The following TECRL variants were observed in gnomAD, a reference collection of about 807,000 sequenced individuals.
TECRL encodes the protein trans-2,3-enoyl-CoA reductase-like.
A neutral mutation model predicts 52.8 loss-of-function variants in TECRL; 63 were observed. The ratio of observed to expected loss-of-function variants is 1.19; its 90% CI spans 0.97 to 1.47. The LOEUF is 1.47. Ranked by LOEUF, TECRL falls within the 40% of genes most tolerant of loss-of-function variation. The pLI is 0.00. For missense variants in TECRL, 482 were observed against 429.6 expected (o/e 1.12, Z -1.08); for synonymous variants, 164 against 141.9 (o/e 1.16, Z -1.10).
At chr4:64,393,846 T>C (rs1723726864) in intron 1 of TECRL, among the ~76,000 whole-genome samples, 1 of 151,994 alleles carries the variant, frequency 6.6e-6, no homozygotes, top group Non-Finnish European at 1.5e-5. Flanking sequence ...GAGTCTTACA[T>C]AAGAATCCAT....
chr4:64,322,172 C>G (rs1299674424), intron 4 of TECRL, among the ~76,000 whole-genome samples: 1 of 152,094 alleles, frequency 6.6e-6, no homozygotes, highest in Admixed American at 6.5e-5. Context: ...CATCAGATCA[C>G]CCCACCAGAT....
At chr4:64,317,660 G>GT (rs1717601825) in intron 4 of TECRL, among the ~76,000 whole-genome samples, 3 of 151,974 alleles carry the variant, frequency 2.0e-5, no homozygotes, top group African/African-American at 7.3e-5. Context: ...TAAAGATTGT[G>GT]GTTTTTTTGT....
chr4:64,351,465 G>T (rs1720383588), intron 2 of TECRL, among the ~76,000 whole-genome samples: 1 of 151,908 alleles, frequency 6.6e-6, no homozygotes, highest in Non-Finnish European at 1.5e-5. Flanking sequence ...AGAAGGATGA[G>T]GTCTCACTAT....
chr4:64,320,676 C>A (rs74471287), intron 4 of TECRL, among the ~76,000 whole-genome samples: 4,332 of 152,108 alleles, frequency 0.028, 66 homozygotes, highest in Non-Finnish European at 0.038. Context: ...ATGCTGCTCA[C>A]CCTGACACAA....
chr4:64,353,239 A>T (rs150773480), intron 2 of TECRL, among the ~76,000 whole-genome samples: 1 of 152,326 alleles, frequency 6.6e-6, no homozygotes, highest in African/African-American at 2.4e-5. Flanking sequence ...TTAAAGTAAA[A>T]ATCGAAAAAT....
intron 2 of TECRL, among the ~76,000 whole-genome samples, chr4:64,349,898 C>T (rs1434501297): frequency 6.6e-6 from 1 of 152,076 alleles, no homozygotes; most frequent in African/African-American, 2.4e-5. Flanking sequence ...GACTACTTAC[C>T]AACTTAAGCA....
intron 1 of TECRL, among the ~76,000 whole-genome samples, chr4:64,402,608 A>T (rs1724429591): frequency 6.6e-6 from 1 of 152,104 alleles, no homozygotes; most frequent in African/African-American, 2.4e-5. Context: ...GTGACGGAAC[A>T]CACTTCAAGC....
chr4:64,379,971 C>T (rs983266522), intron 1 of TECRL, among the ~76,000 whole-genome samples: 1 of 151,970 alleles, frequency 6.6e-6, no homozygotes, highest in Non-Finnish European at 1.5e-5. Context: ...CTGAGACACT[C>T]TCTATTGTTT....
chr4:64,365,601 A>C (rs550600971), intron 2 of TECRL, among the ~76,000 whole-genome samples: 1 of 152,264 alleles, frequency 6.6e-6, no homozygotes, highest in African/African-American at 2.4e-5. Context: ...TAAAGCTGAG[A>C]GCCAAAACAA....
At chr4:64,402,132 C>A (rs904892178) in intron 1 of TECRL, among the ~76,000 whole-genome samples, 3 of 151,968 alleles carry the variant, frequency 2.0e-5, no homozygotes, top group African/African-American at 7.2e-5. Context: ...ATGACCTATT[C>A]TTTTTTCTGA....
At chr4:64,313,059 C>G (rs1717164773) in intron 5 of TECRL, among the ~76,000 whole-genome samples, 1 of 152,092 alleles carries the variant, frequency 6.6e-6, no homozygotes, top group Admixed American at 6.5e-5. Context: ...TTATAAATTA[C>G]TCAGTCTTGG....
At chr4:64,380,775 C>G (rs542411399) in intron 1 of TECRL, among the ~76,000 whole-genome samples, 11 of 152,176 alleles carry the variant, frequency 7.2e-5, no homozygotes, top group African/African-American at 2.6e-4. Context: ...TGTACCAATG[C>G]AATGCTGTTT....
chr4:64,309,561 C>T (rs1560487308), intron 6 of TECRL, among the ~76,000 whole-genome samples: 1 of 152,098 alleles, frequency 6.6e-6, no homozygotes, highest in Non-Finnish European at 1.5e-5. Context: ...GAATTCAGTG[C>T]TTAGTATTAC....
chr4:64,357,767 C>G (rs1720874425), intron 2 of TECRL, among the ~76,000 whole-genome samples: 1 of 151,254 alleles, frequency 6.6e-6, no homozygotes, highest in African/African-American at 2.4e-5. Flanking sequence ...ATAAGCCATA[C>G]AAAACCCAAA....
chr4:64,283,158 C>A (rs911728665), intron 9 of TECRL, among the ~76,000 whole-genome samples: 1 of 151,876 alleles, frequency 6.6e-6, no homozygotes, highest in South Asian at 2.1e-4. Context: ...ATTGTTCATC[C>A]CAGTTTTAGA....
intron 1 of TECRL, among the ~76,000 whole-genome samples, chr4:64,386,265 C>T (rs1020830965): frequency 3.3e-5 from 5 of 151,780 alleles, no homozygotes; most frequent in Admixed American, 2.0e-4. Context: ...TCAAAGTAAG[C>T]TAGAGAAAAG....
At chr4:64,354,112 A>G (rs1442038968) in intron 2 of TECRL, among the ~76,000 whole-genome samples, 2 of 152,222 alleles carry the variant, frequency 1.3e-5, no homozygotes, top group African/African-American at 4.8e-5. Context: ...TAGAAAGGTC[A>G]TTGGCATACT....
chr4:64,343,288 C>T (rs892282147), intron 2 of TECRL, among the ~76,000 whole-genome samples: 4 of 152,010 alleles, frequency 2.6e-5, no homozygotes, highest in Non-Finnish European at 5.9e-5. Flanking sequence ...ATAGTTTGTG[C>T]TCAGCTAGTG....
chr4:64,310,678 T>C (rs1724623451), intron 5 of TECRL, among the ~76,000 whole-genome samples: 3 of 152,198 alleles, frequency 2.0e-5, no homozygotes, highest in African/African-American at 7.2e-5. Context: ...TCAAAAACTT[T>C]GGTTGCTATT....
Sources: allele counts gnomAD v4.1 joint callset (sites outside exome capture counted in the v4.1 genomes callset), GRCh38; gene constraint gnomAD v4.1.1; transcripts MANE v1.5; gene names NCBI Gene and HGNC (gene_info 2026-07-23, HGNC 2026-07-21).